TERT: variants seen among roughly 807,000 people sequenced by gnomAD.
TERT encodes telomerase reverse transcriptase, also known as telomerase catalytic subunit.
TERT carries 42 observed loss-of-function variants against 104.0 expected under a neutral mutation model. The ratio of observed to expected loss-of-function variants is 0.40; its 90% CI spans 0.32 to 0.52. TERT has a LOEUF of 0.52. Among genes scored for constraint, TERT ranks in the 20% least tolerant of loss-of-function variants. The probability of loss-of-function intolerance (pLI) is 0.43; values close to 1 mark genes in which losing one functional copy is unlikely to be tolerated. For synonymous variants in TERT, 781 were observed against 725.6 expected (o/e 1.08, Z -1.23); for missense variants, 1,101 against 1,610.3 (o/e 0.68, Z 5.41).
rs961857435 is a variant in TERT, at chr5:1,268,281, C to T, written c.2582+239G>A. On this transcript the variant is annotated intron_variant, in intron 9 of 15. Coordinates refer to ENST00000310581, the MANE Select transcript of TERT (RefSeq NM_198253.3). The surrounding 1 kb of genome is among the most constrained non-coding windows in gnomAD (Gnocchi z 5.5). ...TCATCATGCAGGGCAGCGGCCCTCC[C>T]GCCTGCTGAGCCCTGAGGCCTCTGG... is the stretch of plus-strand genomic sequence containing the variant. Among the ~76,000 whole-genome samples the T allele has an allele frequency of 1.1e-4, 16 of 152,364 alleles. No individual in the cohort carries two copies. Among genetic ancestry groups the T allele is most frequent in the African/African-American group, 3.6e-4 (15 of 41,596 alleles).
At chr5:1,260,250 G>A (rs968438840) in intron 12 of TERT, among the ~76,000 whole-genome samples, 8 of 152,204 alleles carry the variant, frequency 5.3e-5, no homozygotes, top group East Asian at 1.9e-4. Flanking sequence ...GTGTGCATTC[G>A]CATGTGCACA....
chr5:1,276,049 C>A (rs1261580340), intron 6 of TERT, among the ~76,000 whole-genome samples: 1 of 146,418 alleles, frequency 6.8e-6, no homozygotes, highest in Admixed American at 6.7e-5. Flanking sequence ...CCCACCTACC[C>A]CACACATGAA....
intron 13 of TERT, among the ~76,000 whole-genome samples, chr5:1,258,348 C>T (rs754621503): frequency 3.3e-5 from 5 of 152,272 alleles, no homozygotes; most frequent in African/African-American, 4.8e-5. Context: ...TGACGTCCCA[C>T]GGCCAGTGCA....
Position 1,274,517 on chromosome 5 carries a change from G to A in TERT, c.2287-2237C>T, listed in dbSNP as rs1203523939. Among the ~76,000 whole-genome samples, 4 of 152,218 alleles carry A rather than the reference G, an allele frequency of 2.6e-5. No individual in the cohort carries two copies. Among genetic ancestry groups the A allele is most frequent in the Admixed American group, 6.5e-5 (1 of 15,286 alleles). ...AGTGGGGAAGGGGATGGTTTTGGGA[G>A]CAAACGGTTCCACCTCAGATCATCA... On this transcript the variant is annotated intron_variant, in intron 6 of 15. Transcript: ENST00000310581. This position sits in a 1 kb window ranked among gnomAD's most constrained non-coding sequence, Gnocchi z 5.3.
At chr5:1,279,869 A>T (rs973505984) in intron 4 of TERT, among the ~76,000 whole-genome samples, 1 of 152,150 alleles carries the variant, frequency 6.6e-6, no homozygotes, top group Non-Finnish European at 1.5e-5. Context: ...ACAGCAGGAC[A>T]CGGATCCAGG....
rs1187843426 is a variant in TERT, at chr5:1,293,653, C to A, written c.1233G>T (p.Thr411=). The change falls in exon 2 of 16, where the codon ACG becomes ACT. Residue 411 remains threonine, a synonymous_variant. Transcript: ENST00000310581. ...TGACCGCAGCTCGCAGCGGGCAGTG[C>A]GTCTTGAGGAGCACCCCGTAGGGGC... ...AQCPYGVLLK[T]HCPLRAAVTP... The A allele has an allele frequency of 1.3e-6, 2 of 1,561,606 alleles. No individual in the cohort carries two copies. Among genetic ancestry groups the A allele is most frequent in the Non-Finnish European group, 8.7e-7 (1 of 1,153,314 alleles).
chr5:1,290,514 C>T (rs150095091), intron 2 of TERT, among the ~76,000 whole-genome samples: 786 of 25,332 alleles, frequency 0.031, no homozygotes, highest in South Asian at 0.052. Flanking sequence ...CCGGGGACAG[C>T]GCCTCACTCA....
Position 1,264,522 on chromosome 5 carries a change from C to T in TERT, c.2725G>A (p.Val909Ile), listed in dbSNP as rs537649320. The T allele has an allele frequency of 1.2e-6, 2 of 1,613,994 alleles. No homozygotes were observed. Among genetic ancestry groups the T allele is most frequent in the African/African-American group, 1.3e-5 (1 of 75,058 alleles). The change falls in exon 11 of 16, where the codon GTA (valine) becomes ATA (isoleucine). Residue 909 changes from valine (V) to isoleucine (I), a missense_variant. Transcript: ENST00000310581. ...NLRKTVVNFP[V>I]EDEALGGTAF... is the part of the protein sequence containing the mutation. ...GTGCCACCCAGGGCCTCGTCTTCTA[C>T]AGGGAAGTTCACCACTGTCTTCCGC...
chr5:1,253,749 G>A lies in TERT; in HGVS notation c.3378C>T (p.Asp1126=), dbSNP rs1457310362. ...GCCATCAGTCCAGGATGGTCTTGAA[G>A]TCTGAGGGCAGTGCCGGGTTGGCTG... ...EAAANPALPS[D]FKTILD The change falls in exon 16 of 16, where the codon GAC becomes GAT. Residue 1126 remains aspartate (D), a synonymous_variant. Coordinates refer to ENST00000310581, the MANE Select transcript of TERT (RefSeq NM_198253.3). 1.9e-6 allele frequency: 3 copies of A among 1,612,064 alleles called. No homozygotes were observed. Among genetic ancestry groups the A allele is most frequent in the Middle Eastern group, 1.7e-4 (1 of 6,046 alleles).
At position 1,273,969 on chromosome 5, in the gene TERT, C is replaced by T. The variant is rs941367856; in HGVS notation, c.2287-1689G>A. Among the ~76,000 whole-genome samples, 33 of 152,288 alleles carry T rather than the reference C, an allele frequency of 2.2e-4. 1 individual carries two copies. The highest frequency in any genetic ancestry group is 3.4e-3 in the Middle Eastern group (1 of 294). On this transcript the variant is annotated intron_variant, in intron 6 of 15. Transcript: ENST00000310581. ...GAGTCTGAAGACGCGGGAGAGAGACCGGCACCCCCACCTCCTATTCTGCAG... is the reference window on the plus strand; with the variant it reads ...GAGTCTGAAGACGCGGGAGAGAGACTGGCACCCCCACCTCCTATTCTGCAG...
chr5:1,271,734 G>A lies in TERT; in HGVS notation c.2382+451C>T, dbSNP rs35884863. 1.2e-3 allele frequency among the ~76,000 whole-genome samples: 183 copies of A among 152,330 alleles called. 2 individuals carry two copies. Among genetic ancestry groups the A allele is most frequent in the African/African-American group, 4.2e-3 (174 of 41,588 alleles). On this transcript the variant is annotated intron_variant, in intron 7 of 15. Transcript: ENST00000310581. ...GGACAGACCCAGCACTGAGAGGCCC[G>A]CTCAGCGGGGCGTGGCTCAAACACG...
chr5:1,270,977 G>A lies in TERT; in HGVS notation c.2468+142C>T, dbSNP rs376137471. 51 of 679,326 alleles carry A rather than the reference G, an allele frequency of 7.5e-5. No homozygotes were observed. Among genetic ancestry groups the A allele is most frequent in the East Asian group, 1.9e-4 (7 of 36,430 alleles). The allele number at this position is 679,326 out of a possible 1,614,324, so 42.1% of individuals were successfully genotyped here. A position where few individuals can be genotyped will look rare whatever the true frequency, so the allele number is the denominator to read the frequency against. On this transcript the variant is annotated intron_variant, in intron 8 of 15. Transcript: ENST00000310581. This position sits in a 1 kb window ranked among gnomAD's most constrained non-coding sequence, Gnocchi z 8.3. ...CTCGGGAGCCTGCAGCCCAGGAGCC[G>A]GAGGGGGCGGGGGCCAGAAAAGGAG...
At chr5:1,280,016 G>A in intron 4 of TERT, 142 bp downstream of exon 4, 1 of 1,124,820 alleles carries the variant, frequency 8.9e-7, no homozygotes, top group African/African-American at 1.5e-5. Context: ...ACCTCACTGT[G>A]CGCACAAATG....
At chr5:1,254,061 A>G (rs1209819908) in intron 15 of TERT, among the ~76,000 whole-genome samples, 1 of 152,060 alleles carries the variant, frequency 6.6e-6, no homozygotes, top group African/African-American at 2.4e-5. Flanking sequence ...CCAGGAGCTC[A>G]GGGCAGCAGC....
At position 1,270,611 on chromosome 5, in the gene TERT, A is replaced by G. The variant is rs995284703; in HGVS notation, c.2468+508T>C. Among the ~76,000 whole-genome samples the G allele has an allele frequency of 1.3e-5, 2 of 152,176 alleles. No homozygotes were observed. The highest frequency in any genetic ancestry group is 4.8e-5 in the African/African-American group (2 of 41,442). ...AGGCCCCCCGAGAGGAGCAAACTAC[A>G]CGGTCAACCCCGCACTTTCCAGATG... On this transcript the variant is annotated intron_variant, in intron 8 of 15. Coordinates refer to ENST00000310581, the MANE Select transcript of TERT (RefSeq NM_198253.3). The surrounding 1 kb of genome is among the most constrained non-coding windows in gnomAD (Gnocchi z 8.3).
At chr5:1,271,599 T>C (rs35442442) in intron 7 of TERT, among the ~76,000 whole-genome samples, 8,340 of 149,356 alleles carry the variant, frequency 0.056, 765 homozygotes, top group African/African-American at 0.19. Context: ...CTGAGCCTCA[T>C]GCGGTGGACA....
intron 2 of TERT, among the ~76,000 whole-genome samples, chr5:1,289,672 CTCGCG>C (rs1750744230): frequency 8.7e-5 from 6 of 69,316 alleles, no homozygotes; most frequent in Admixed American, 1.6e-4. Flanking sequence ...ACCCGGGGGC[CTCGCG>C]TCAATCACCC....
In TERT at chr5:1,279,409, C is replaced by T. The variant is rs774381540; in HGVS notation, c.2012G>A (p.Arg671Gln). ...LFSVLNYERARRPGLLGASVL... is the reference protein window; with the variant it reads ...LFSVLNYERAQRPGLLGASVL... ...AGAGGCGCCCAGGAGGCCGGGGCGC[C>T]GCGCCCGCTCGTAGTTGAGCACGCT... is the stretch of plus-strand genomic sequence containing the variant. The change falls in exon 5 of 16, where the codon CGG (arginine) becomes CAG (glutamine). Residue 671 changes from arginine to glutamine, a missense_variant. Around this residue, in one of 5 missense-constraint regions of TERT, gnomAD observed 463 missense variants for 797.5 expected, o/e 0.58. Coordinates refer to ENST00000310581, the MANE Select transcript of TERT (RefSeq NM_198253.3). 36 of 1,552,268 alleles carry T rather than the reference C, an allele frequency of 2.3e-5. No individual in the cohort carries two copies. Among genetic ancestry groups the T allele is most frequent in the East Asian group, 2.4e-5 (1 of 41,186 alleles).
chr5:1,284,348 C>A (rs537055799), intron 2 of TERT, among the ~76,000 whole-genome samples: 3 of 136,724 alleles, frequency 2.2e-5, no homozygotes, highest in South Asian at 5.4e-4. Context: ...CCTGCATCAT[C>A]CGGACTCCAT....
Sources: allele counts gnomAD v4.1 joint callset (sites outside exome capture counted in the v4.1 genomes callset), GRCh38; gene constraint gnomAD v4.1.1; regional missense constraint gnomAD v4.1.1; non-coding constraint Gnocchi (gnomAD v3.1); transcripts MANE v1.5; gene names NCBI Gene and HGNC (gene_info 2026-07-23, HGNC 2026-07-21).